C17orf67: variants seen among roughly 807,000 people sequenced by gnomAD.
C17orf67 encodes uncharacterized protein C17orf67.
C17orf67 carries 12 observed loss-of-function variants against 11.2 expected under a neutral mutation model. The observed-to-expected ratio is 1.07, with a 90% CI of 0.68 to 1.73. The LOEUF (loss-of-function observed/expected upper bound fraction) is 1.73, where lower values mean the gene tolerates loss of function less well. Ranked by LOEUF, C17orf67 falls within the 40% of genes most tolerant of loss-of-function variation. C17orf67 has a pLI of 0.00. For missense variants in C17orf67, 115 were observed against 113.5 expected, an observed-to-expected ratio of 1.01 and a Z score of -0.06; for synonymous variants, 59 against 46.9, an observed-to-expected ratio of 1.26 and a Z score of -1.05.
intron 6 of C17orf67, among the ~76,000 whole-genome samples, chr17:56,799,825 G>T (rs554014999): frequency 6.6e-6 from 1 of 151,976 alleles, no homozygotes; most frequent in Admixed American, 6.6e-5. Context: ...AATGATGTAC[G>T]ATGTTTCACA....
chr17:56,825,360 G>A (rs1362195442), intron 2 of C17orf67, 39 bp from the exon 3 acceptor site: 7 of 152,136 alleles, frequency 4.6e-5, no homozygotes, highest in African/African-American at 1.4e-4. Flanking sequence ...CAGTGCCTAG[G>A]ACCTACTAAC....
intron 5 of C17orf67, 125 bp from the exon 6 acceptor site, chr17:56,815,094 G>C (rs921865337): frequency 8.8e-6 from 7 of 794,718 alleles, no homozygotes; most frequent in African/African-American, 1.7e-5. Context: ...CTTTCCCGGG[G>C]ACCTGTCCCA....
intron 4 of C17orf67, among the ~76,000 whole-genome samples, chr17:56,816,507 C>T (rs1905765117): frequency 6.6e-6 from 1 of 152,206 alleles, no homozygotes; most frequent in Admixed American, 6.5e-5. Flanking sequence ...TAGTACTATT[C>T]ATCGTCCACT....
At chr17:56,817,907 G>C (rs751926639) in intron 4 of C17orf67, among the ~76,000 whole-genome samples, 1 of 150,074 alleles carries the variant, frequency 6.7e-6, no homozygotes, top group Non-Finnish European at 1.5e-5. Context: ...TGGAGTGCAC[G>C]AACTTGGCTC....
At chr17:56,792,380 G>C (rs974791713) in intron 7 of C17orf67, 28 bp from the exon 8 acceptor site, 1 of 151,986 alleles carries the variant, frequency 6.6e-6, no homozygotes, top group Non-Finnish European at 1.5e-5. Flanking sequence ...AATAACATTA[G>C]GATAATGATA....
chr17:56,825,489 A>C lies in C17orf67; in HGVS notation c.-556-168T>G, dbSNP rs1906003434. Among the ~76,000 whole-genome samples the C allele has an allele frequency of 3.9e-5, 6 of 152,308 alleles. No individual in the cohort carries two copies. In the South Asian group the frequency reaches 1.2e-3, roughly 32 times the overall value. ...TACACAGGTAAATTTTCCAGATAAAAATTTACTTAGCAAAGAGAGACTACT... is the reference window on the plus strand; with the variant it reads ...TACACAGGTAAATTTTCCAGATAAACATTTACTTAGCAAAGAGAGACTACT... On this transcript the variant is annotated intron_variant, in intron 2 of 7. Coordinates refer to ENST00000397861, the MANE Select transcript of C17orf67 (RefSeq NM_001085430.4).
chr17:56,808,175 C>T (rs1029322426), intron 6 of C17orf67, among the ~76,000 whole-genome samples: 2 of 152,184 alleles, frequency 1.3e-5, no homozygotes, highest in Non-Finnish European at 2.9e-5. Context: ...TCAGCCCCCA[C>T]CACCCCATAC....
At chr17:56,802,591 C>T (rs1311829940) in intron 6 of C17orf67, among the ~76,000 whole-genome samples, 1 of 152,216 alleles carries the variant, frequency 6.6e-6, no homozygotes, top group Non-Finnish European at 1.5e-5. Flanking sequence ...ATTAAACACT[C>T]TTCAGGTACC....
intron 4 of C17orf67, among the ~76,000 whole-genome samples, chr17:56,821,975 G>A (rs1386683185): frequency 1.3e-5 from 2 of 152,318 alleles, no homozygotes; most frequent in South Asian, 2.1e-4. Context: ...CCTTCAAGCT[G>A]AGTCTCAGAA....
chr17:56,801,688 A>C (rs1374011339), intron 6 of C17orf67, among the ~76,000 whole-genome samples: 1 of 152,186 alleles, frequency 6.6e-6, no homozygotes, highest in Admixed American at 6.5e-5. Flanking sequence ...TCCAACAGTG[A>C]TTCCCTGGCT....
At chr17:56,801,066 T>C (rs1359432948) in intron 6 of C17orf67, among the ~76,000 whole-genome samples, 4 of 152,202 alleles carry the variant, frequency 2.6e-5, no homozygotes, top group Non-Finnish European at 5.9e-5. Flanking sequence ...AACAAAAAAC[T>C]TGTTCTTTTA....
At chr17:56,823,625 G>A (rs753875693) in intron 4 of C17orf67, among the ~76,000 whole-genome samples, 1 of 151,930 alleles carries the variant, frequency 6.6e-6, no homozygotes, top group Non-Finnish European at 1.5e-5. Flanking sequence ...AAAAGCTAAG[G>A]AAATCTTTTA....
At chr17:56,800,029 T>G (rs1297269075) in intron 6 of C17orf67, among the ~76,000 whole-genome samples, 1 of 148,376 alleles carries the variant, frequency 6.7e-6, no homozygotes. Flanking sequence ...AAAATCCCTC[T>G]TGATTTTTCT....
chr17:56,805,499 T>C (rs1407716696), intron 6 of C17orf67, among the ~76,000 whole-genome samples: 1 of 152,240 alleles, frequency 6.6e-6, no homozygotes, highest in Non-Finnish European at 1.5e-5. Flanking sequence ...ACCATAATCA[T>C]GTTCCCATGA....
At chr17:56,823,803 C>G (rs1878409866) in intron 4 of C17orf67, among the ~76,000 whole-genome samples, 1 of 152,140 alleles carries the variant, frequency 6.6e-6, no homozygotes, top group South Asian at 2.1e-4. Flanking sequence ...AACTTGGAAG[C>G]AACCAAGATG....
rs934380832 is a variant in C17orf67, at chr17:56,833,122, A to T, written c.-781T>A. Reference sequence around the variant, plus strand: ...GGCTCCCACTCCTATGTATGTATGTAGTAGGAAGGAAGCCGCTGAGTGCAG... The same window carrying T: ...GGCTCCCACTCCTATGTATGTATGTTGTAGGAAGGAAGCCGCTGAGTGCAG... On this transcript the variant is annotated 5_prime_UTR_variant, in exon 2 of 8. Transcript: ENST00000397861. 6.6e-6 allele frequency: 1 copy of T among 152,258 alleles called. No homozygotes were observed. The highest frequency in any genetic ancestry group is 1.5e-5 in the Non-Finnish European group (1 of 68,090). 9.4% of individuals were successfully genotyped at this position (152,258 alleles called of 1,614,324 possible).
At chr17:56,809,579 C>G (rs1412410325) in intron 6 of C17orf67, among the ~76,000 whole-genome samples, 1 of 142,962 alleles carries the variant, frequency 7.0e-6, no homozygotes, top group Admixed American at 7.0e-5. Flanking sequence ...CTCACACACA[C>G]CCCTCACACA....
At chr17:56,814,068 A>C (rs1171041293) in intron 6 of C17orf67, among the ~76,000 whole-genome samples, 2 of 152,202 alleles carry the variant, frequency 1.3e-5, no homozygotes, top group Non-Finnish European at 1.5e-5. Flanking sequence ...AATGAAGGTA[A>C]ATGCTACTGC....
At chr17:56,820,078 A>T (rs1228383498) in intron 4 of C17orf67, among the ~76,000 whole-genome samples, 1 of 152,242 alleles carries the variant, frequency 6.6e-6, no homozygotes, top group Non-Finnish European at 1.5e-5. Flanking sequence ...GTAAGTCCTC[A>T]TAACATTATT....
Sources: gnomAD v4.1 joint callset for allele counts (sites outside exome capture counted in the v4.1 genomes callset) on GRCh38, gnomAD v4.1.1 for gene constraint, MANE v1.5 for transcripts, NCBI Gene and HGNC (gene_info 2026-07-23, HGNC 2026-07-21) for gene names.